MCM10: variants seen among roughly 807,000 people sequenced by gnomAD.
The protein encoded by MCM10 is protein MCM10 homolog.
A neutral mutation model predicts 109.9 loss-of-function variants in MCM10; 91 were observed. That is an observed-to-expected ratio of 0.83 (90% confidence interval 0.70 to 0.99). The LOEUF is 0.99. Among genes scored for constraint, MCM10 ranks in the 50% least tolerant of loss-of-function variants. The probability of loss-of-function intolerance (pLI) is 0.00; values close to 1 mark genes in which losing one functional copy is unlikely to be tolerated. For missense variants in MCM10, 1,077 were observed against 1,061.2 expected, an observed-to-expected ratio of 1.01 and a Z score of -0.21; for synonymous variants, 380 against 387.2, an observed-to-expected ratio of 0.98 and a Z score of 0.22.
At chr10:13,181,461 G>A (rs1428682360) in intron 7 of MCM10, among the ~76,000 whole-genome samples, 1 of 152,112 alleles carries the variant, frequency 6.6e-6, no homozygotes, top group East Asian at 1.9e-4. Context: ...ACTTATAAGT[G>A]GGAGCTAAAT....
At position 13,182,324 on chromosome 10, in the gene MCM10, A is replaced by C. The variant is rs1011570181; in HGVS notation, c.931-609A>C. Among the ~76,000 whole-genome samples, 2 of 152,000 alleles carry C rather than the reference A, an allele frequency of 1.3e-5. No homozygotes were observed. The highest frequency in any genetic ancestry group is 4.8e-5 in the African/African-American group (2 of 41,376). On this transcript the variant is annotated intron_variant, in intron 7 of 19. Transcript: ENST00000378714. This position sits in a 1 kb window ranked among gnomAD's most constrained non-coding sequence, Gnocchi z 4.2. Reference sequence around the variant, plus strand: ...CCTCATCTCTATGAAAAGAAAAAAAAAATTAGCTGGGGCTGGTAGCACATG... The same window carrying C: ...CCTCATCTCTATGAAAAGAAAAAAACAATTAGCTGGGGCTGGTAGCACATG...
chr10:13,208,537 G>A (rs932237788), intron 18 of MCM10, among the ~76,000 whole-genome samples: 1 of 147,898 alleles, frequency 6.8e-6, no homozygotes, highest in Admixed American at 6.8e-5. Context: ...TGAGGCCAGC[G>A]TGGGCAACAT....
Position 13,175,556 on chromosome 10 carries a change from C to T in MCM10, c.639C>T (p.Pro213=). 6.2e-7 allele frequency: 1 copy of T among 1,614,110 alleles called. No homozygotes were observed. The highest frequency in any genetic ancestry group is 8.5e-7 in the Non-Finnish European group (1 of 1,179,976). ...GGATGACAAGTGCACCCTCCCAACCCCTACAGACGATTTCTCGGAACAAAC... is the reference window on the plus strand; with the variant it reads ...GGATGACAAGTGCACCCTCCCAACCTCTACAGACGATTTCTCGGAACAAAC... The part of the protein sequence containing the change: ...SSRMTSAPSQ[P]LQTISRNKPS... Residue 213 remains proline, a synonymous_variant, in exon 6 of 20, where the codon CCC becomes CCT. Coordinates refer to ENST00000378714, the MANE Select transcript of MCM10 (RefSeq NM_018518.5).
intron 18 of MCM10, among the ~76,000 whole-genome samples, chr10:13,206,336 C>T (rs774633835): frequency 3.3e-5 from 5 of 152,234 alleles, no homozygotes; most frequent in African/African-American, 9.7e-5. Flanking sequence ...CTGGCCTCAG[C>T]CCCTCAGTGC....
At chr10:13,198,659 C>T (rs184919737) in intron 15 of MCM10, 30 bp from the exon 16 acceptor site, 19 of 1,455,424 alleles carry the variant, frequency 1.3e-5, no homozygotes, top group Middle Eastern at 3.5e-4. Flanking sequence ...ATTTCTTGGT[C>T]GCTGCTAATG....
chr10:13,179,477 G>T (rs570739563), intron 6 of MCM10, among the ~76,000 whole-genome samples: 213 of 152,304 alleles, frequency 1.4e-3, no homozygotes, highest in Non-Finnish European at 2.3e-3. Flanking sequence ...ACTGAAGTCA[G>T]TGTTTTGCTT....
At chr10:13,170,788 C>A in intron 2 of MCM10, 134 bp from the exon 3 acceptor site, 3 of 664,024 alleles carry the variant, frequency 4.5e-6, no homozygotes, top group Non-Finnish European at 7.7e-6. Flanking sequence ...ATGGTTGAAC[C>A]CATCACCCAG....
At chr10:13,192,642 TC>T in intron 13 of MCM10, 74 bp downstream of exon 13, 2 of 1,360,804 alleles carry the variant, frequency 1.5e-6, no homozygotes, top group Non-Finnish European at 2.1e-6. Flanking sequence ...TTCATCGATT[TC>T]CAGAATGTGA....
In MCM10 at chr10:13,211,029, A is replaced by G. The variant is rs1834655217; in HGVS notation, c.*1719A>G. ...TATATAAGTTGTATAATATGCTTGT[A>G]AAGGCTGAGGGTGAGCTGTATCTGG... On this transcript the variant is annotated 3_prime_UTR_variant, in exon 20 of 20. Transcript: ENST00000378714. The G allele has an allele frequency of 4.6e-5, 7 of 152,178 alleles. No homozygotes were observed. The highest frequency in any genetic ancestry group is 3.3e-4 in the Admixed American group (5 of 15,276). 9.4% of individuals were successfully genotyped at this position (152,178 alleles called of 1,614,324 possible). A position where few individuals can be genotyped will look rare whatever the true frequency, so the allele number is the denominator to read the frequency against.
intron 2 of MCM10, among the ~76,000 whole-genome samples, chr10:13,168,701 A>G (rs529792341): frequency 6.6e-6 from 1 of 152,376 alleles, no homozygotes; most frequent in African/African-American, 2.4e-5. Context: ...CAAGAAATGC[A>G]AATCAAAACA....
chr10:13,210,358 A>G lies in MCM10; in HGVS notation c.*1048A>G, dbSNP rs1834644982. ...AAGGTCAACCCCTATGCAAATTACC[A>G]CAGCAAAGGTTTCATTCAGGAGATT... On this transcript the variant is annotated 3_prime_UTR_variant, in exon 20 of 20. Transcript: ENST00000378714. The G allele has an allele frequency of 6.6e-6, 1 of 151,810 alleles. No homozygotes were observed. The highest frequency in any genetic ancestry group is 1.5e-5 in the Non-Finnish European group (1 of 68,004). The allele number at this position is 151,810 out of a possible 1,614,324, so 9.4% of individuals were successfully genotyped here. A position where few individuals can be genotyped will look rare whatever the true frequency, so the allele number is the denominator to read the frequency against.
chr10:13,188,922 CAAG>C lies in MCM10; in HGVS notation c.1261_1263del (p.Lys421del). ...GTCAGTACCATGTCCAGGCTCAGTA[CAAG>C]AAGCTCAGCGCAAAGCGTGCGGATC... On this transcript the variant is annotated inframe_deletion, in exon 10 of 20. Transcript: ENST00000378714. 1 of 1,614,192 alleles carries C rather than the reference CAAG, an allele frequency of 6.2e-7. No homozygotes were observed. Among genetic ancestry groups the C allele is most frequent in the Non-Finnish European group, 8.5e-7 (1 of 1,180,022 alleles).
rs769266273 is a variant in MCM10 at position 13,183,033 on chromosome 10, C to T, written c.1031C>T (p.Thr344Met). ...FGEVHKALWK[T>M]EQGTVVGILN... ...GAAGTTCACAAAGCGCTCTGGAAGA[C>T]GGAGCAGGGGACTGTCGTAGGGATC... The change falls in exon 8 of 20, where the codon ACG becomes ATG. Residue 344 changes from threonine to methionine, a missense_variant. Physicochemically the swap from Thr to Met is moderately conservative, Grantham distance 81. Coordinates refer to ENST00000378714, the MANE Select transcript of MCM10 (RefSeq NM_018518.5). The T allele has an allele frequency of 5.0e-6, 8 of 1,614,036 alleles. No individual in the cohort carries two copies. Among genetic ancestry groups the T allele is most frequent in the Middle Eastern group, 1.6e-4 (1 of 6,084 alleles).
intron 8 of MCM10, 113 bp from the exon 9 acceptor site, chr10:13,186,051 T>C: frequency 1.5e-6 from 1 of 654,406 alleles, no homozygotes; most frequent in South Asian, 1.7e-5. Context: ...TGTGAGCCAC[T>C]GCGCCTGGCA....
intron 14 of MCM10, chr10:13,195,589 T>C (rs1218121482): frequency 3.9e-5 from 1 of 25,626 alleles, no homozygotes. Context: ...TACGTTTATT[T>C]ATTTATTTAT....
chr10:13,180,517 G>C lies in MCM10; in HGVS notation c.840G>C (p.Lys280Asn). Residue 280 changes from lysine (K) to asparagine (N), a missense_variant, in exon 7 of 20, where the codon AAG (lysine) becomes AAC (asparagine). By Grantham distance (94) the Lys-to-Asn change is moderately conservative. Transcript: ENST00000378714. ...GRKLIRLSQI[K>N]EKMAREKLEE... ...AACTGATCAGACTGTCTCAGATCAA[G>C]GAAAAGATGGCCAGAGAGAAGCTGG... 6.2e-7 allele frequency: 1 copy of C among 1,614,104 alleles called. No homozygotes were observed. The highest frequency in any genetic ancestry group is 8.5e-7 in the Non-Finnish European group (1 of 1,180,022).
At chr10:13,188,426 A>G (rs957165239) in intron 9 of MCM10, among the ~76,000 whole-genome samples, 8 of 152,174 alleles carry the variant, frequency 5.3e-5, no homozygotes, top group African/African-American at 1.9e-4. Flanking sequence ...CACCCTGTAA[A>G]AACAATGGCA....
At chr10:13,183,198 G>GT (rs1834232254) in intron 8 of MCM10, 98 bp downstream of exon 8, 1 of 1,374,850 alleles carries the variant, frequency 7.3e-7, no homozygotes, top group Non-Finnish European at 1.0e-6. Context: ...GCTCACACCT[G>GT]TAATCCTAAC....
chr10:13,208,483 A>T (rs942203438), intron 18 of MCM10, among the ~76,000 whole-genome samples: 19 of 148,118 alleles, frequency 1.3e-4, no homozygotes, highest in African/African-American at 4.4e-4. Context: ...TAATCCCAGC[A>T]CTTTGGGAGG....
Sources: allele counts gnomAD v4.1 joint callset (sites outside exome capture counted in the v4.1 genomes callset), GRCh38; gene constraint gnomAD v4.1.1; non-coding constraint Gnocchi (gnomAD v3.1); transcripts MANE v1.5; gene names NCBI Gene and HGNC (gene_info 2026-07-23, HGNC 2026-07-21).